CDYL2: variants seen among roughly 807,000 people sequenced by gnomAD.
The protein encoded by CDYL2 is chromodomain Y-like protein 2.
CDYL2 carries 23 observed loss-of-function variants against 49.4 expected under a neutral mutation model. The observed-to-expected ratio is 0.47, with a 90% CI of 0.34 to 0.66. The LOEUF is 0.66. Ranked by LOEUF, CDYL2 falls within the 30% of genes least tolerant of loss-of-function variation. CDYL2 has a pLI of 0.01. For missense variants in CDYL2, 678 were observed against 656.4 expected, an observed-to-expected ratio of 1.03 and a Z score of -0.36; for synonymous variants, 360 against 268.8, an observed-to-expected ratio of 1.34 and a Z score of -3.32.
chr16:80,719,552 T>C (rs964554498), intron 1 of CDYL2, among the ~76,000 whole-genome samples: 18 of 152,198 alleles, frequency 1.2e-4, no homozygotes, highest in South Asian at 2.1e-4. Flanking sequence ...CTAGATAATT[T>C]TCAGCTCTGC....
At chr16:80,693,369 G>A (rs1057306455) in intron 1 of CDYL2, among the ~76,000 whole-genome samples, 2 of 151,688 alleles carry the variant, frequency 1.3e-5, no homozygotes, top group African/African-American at 4.9e-5. Flanking sequence ...ATGAGAAGAT[G>A]GAAATAAGGT....
At chr16:80,735,653 C>T (rs1343201192) in intron 1 of CDYL2, among the ~76,000 whole-genome samples, 1 of 152,190 alleles carries the variant, frequency 6.6e-6, no homozygotes, top group Non-Finnish European at 1.5e-5. Flanking sequence ...GCTCTGGTGT[C>T]TATTCTAGAA....
At chr16:80,656,403 C>T (rs1429938696) in intron 2 of CDYL2, among the ~76,000 whole-genome samples, 1 of 152,256 alleles carries the variant, frequency 6.6e-6, no homozygotes, top group Admixed American at 6.5e-5. Context: ...GGGGCACTGC[C>T]TGCATTCAGA....
At chr16:80,769,061 C>A (rs960031611) in intron 1 of CDYL2, among the ~76,000 whole-genome samples, 6 of 152,124 alleles carry the variant, frequency 3.9e-5, no homozygotes, top group African/African-American at 7.2e-5. Flanking sequence ...ATAGAATGGC[C>A]TTCATCAAGC....
At chr16:80,614,559 A>G (rs1417857600) in intron 4 of CDYL2, among the ~76,000 whole-genome samples, 3 of 152,204 alleles carry the variant, frequency 2.0e-5, no homozygotes, top group Non-Finnish European at 4.4e-5. Flanking sequence ...TACAACAGCT[A>G]ATACTTAACT....
intron 1 of CDYL2, among the ~76,000 whole-genome samples, chr16:80,748,427 T>C (rs982500982): frequency 1.0e-4 from 14 of 139,048 alleles, no homozygotes; most frequent in African/African-American, 3.8e-4. Context: ...CTTGGGAGGC[T>C]GAGGCAGGAG....
intron 1 of CDYL2, among the ~76,000 whole-genome samples, chr16:80,778,895 A>G (rs1267127970): frequency 2.0e-5 from 3 of 152,142 alleles, no homozygotes; most frequent in Non-Finnish European, 4.4e-5. Context: ...ATAATGACTC[A>G]TTTAATAAGT....
In CDYL2 at chr16:80,598,472, A is replaced by T. The variant is rs1459464044; in HGVS notation, c.*5916T>A. The T allele has an allele frequency of 6.6e-6, 1 of 152,232 alleles. No individual in the cohort carries two copies. The highest frequency in any genetic ancestry group is 1.5e-5 in the Non-Finnish European group (1 of 68,038). 9.4% of individuals were successfully genotyped at this position (152,232 alleles called of 1,614,324 possible). Reference sequence around the variant, plus strand: ...AATGAGAATGGAGAGAGAACTGAAGACAATTCTTCTCACACCTAACAGGAA... The same window carrying T: ...AATGAGAATGGAGAGAGAACTGAAGTCAATTCTTCTCACACCTAACAGGAA... On this transcript the variant is annotated 3_prime_UTR_variant, in exon 7 of 7. Transcript: ENST00000570137.
chr16:80,730,654 A>G (rs1039420054), intron 1 of CDYL2, among the ~76,000 whole-genome samples: 1 of 152,210 alleles, frequency 6.6e-6, no homozygotes, highest in African/African-American at 2.4e-5. Flanking sequence ...AACCAAAAAA[A>G]AGAATTTTAG....
chr16:80,786,941 G>A (rs903197626), intron 1 of CDYL2, among the ~76,000 whole-genome samples: 7 of 151,874 alleles, frequency 4.6e-5, no homozygotes, highest in African/African-American at 1.7e-4. Flanking sequence ...CTAGGGGAGG[G>A]ATAACATTAG....
intron 4 of CDYL2, among the ~76,000 whole-genome samples, chr16:80,618,798 G>T (rs996407825): frequency 2.6e-5 from 4 of 152,202 alleles, no homozygotes; most frequent in African/African-American, 9.6e-5. Flanking sequence ...CCACCAGAAG[G>T]AGCAGCCATT....
intron 1 of CDYL2, among the ~76,000 whole-genome samples, chr16:80,745,430 G>A (rs905844482): frequency 6.6e-6 from 1 of 152,192 alleles, no homozygotes; most frequent in Admixed American, 6.5e-5. Flanking sequence ...AGTGCCCGCA[G>A]TACATAATCC....
intron 1 of CDYL2, among the ~76,000 whole-genome samples, chr16:80,746,105 G>A (rs913423372): frequency 6.6e-6 from 1 of 152,224 alleles, no homozygotes; most frequent in South Asian, 2.1e-4. Flanking sequence ...CTCTGTTCCC[G>A]AGACCTTCCT....
Position 80,800,021 on chromosome 16 carries a change from T to C in CDYL2, c.24+4129A>G, listed in dbSNP as rs118095032. 1.3e-4 allele frequency among the ~76,000 whole-genome samples: 20 copies of C among 152,358 alleles called. No individual in the cohort carries two copies. In the East Asian group the frequency reaches 3.5e-3, roughly 26 times the overall value. ...GAGGAATGACGTCTGTGTGGGTTCA[T>C]ATGCAGTTTTTCCTAGCTTGTTTAT... On this transcript the variant is annotated intron_variant, in intron 1 of 6. Coordinates refer to ENST00000570137, the MANE Select transcript of CDYL2 (RefSeq NM_152342.4).
intron 2 of CDYL2, among the ~76,000 whole-genome samples, chr16:80,678,908 T>C (rs1359024560): frequency 6.6e-6 from 1 of 151,142 alleles, no homozygotes; most frequent in East Asian, 1.9e-4. Flanking sequence ...GTGGCACATA[T>C]ACACCATGGA....
chr16:80,698,915 C>A (rs549651378), intron 1 of CDYL2, among the ~76,000 whole-genome samples: 2 of 152,208 alleles, frequency 1.3e-5, no homozygotes, highest in African/African-American at 4.8e-5. Context: ...AAAAAATGCT[C>A]ACCATCACTA....
Position 80,804,197 on chromosome 16 carries a change from C to A in CDYL2, c.-24G>T. 1 of 1,336,962 alleles carries A rather than the reference C, an allele frequency of 7.5e-7. No homozygotes were observed. The highest frequency in any genetic ancestry group is 1.4e-5 in the South Asian group (1 of 72,184). 82.8% of individuals were successfully genotyped at this position (1,336,962 alleles called of 1,614,324 possible). ...ATGCCAGGCTGCGGAACTTGGCTCGCCGGTGTGCGCGTCTGCTCGCTCGCG... is the reference window on the plus strand; with the variant it reads ...ATGCCAGGCTGCGGAACTTGGCTCGACGGTGTGCGCGTCTGCTCGCTCGCG... On this transcript the variant is annotated 5_prime_UTR_variant, in exon 1 of 7. Coordinates refer to ENST00000570137, the MANE Select transcript of CDYL2 (RefSeq NM_152342.4).
At chr16:80,755,934 T>G (rs1295597473) in intron 1 of CDYL2, among the ~76,000 whole-genome samples, 1 of 152,216 alleles carries the variant, frequency 6.6e-6, no homozygotes, top group African/African-American at 2.4e-5. Flanking sequence ...TAAAGTCTAC[T>G]ATACCCTTAG....
chr16:80,682,279 C>T (rs910659327), intron 2 of CDYL2, among the ~76,000 whole-genome samples: 3 of 152,166 alleles, frequency 2.0e-5, no homozygotes, highest in Non-Finnish European at 4.4e-5. Flanking sequence ...CACACAACGT[C>T]AGGCAAATAT....
Sources: allele counts gnomAD v4.1 joint callset (sites outside exome capture counted in the v4.1 genomes callset), GRCh38; gene constraint gnomAD v4.1.1; transcripts MANE v1.5; gene names NCBI Gene and HGNC (gene_info 2026-07-23, HGNC 2026-07-21).